Variants in OR1J2 observed in about 807,000 individuals in gnomAD.
OR1J2 encodes the protein olfactory receptor family 1 subfamily J member 2.
For missense variants in OR1J2, 304 were observed against 246.1 expected (o/e 1.24, Z -1.57); for synonymous variants, 142 against 99.7 (o/e 1.42, Z -2.52).
At chr9:122,477,518 T>A in the OR1J2 span, 1 of 1,613,940 alleles carries the variant, frequency 6.2e-7, no homozygotes, top group Non-Finnish European at 8.5e-7. Context: ...TGGCTCTGAG[T>A]CATGATGGTG....
chr9:122,540,738 C>G, the OR1J2 span, among the ~76,000 whole-genome samples: 2 of 152,132 alleles, frequency 1.3e-5, no homozygotes, highest in African/African-American at 2.4e-5. Flanking sequence ...TTGATTCTTC[C>G]TACCCATGAG....
chr9:122,550,483 A>T, the OR1J2 span, among the ~76,000 whole-genome samples: 1 of 152,182 alleles, frequency 6.6e-6, no homozygotes, highest in African/African-American at 2.4e-5. Context: ...GTGACAATAG[A>T]TGCAAAAATT....
the OR1J2 span, among the ~76,000 whole-genome samples, chr9:122,486,458 G>A: frequency 6.6e-6 from 1 of 152,184 alleles, no homozygotes; most frequent in Admixed American, 6.5e-5. Context: ...TTTGCTGCCT[G>A]AGAGCACTCA....
chr9:122,447,815 A>T, the OR1J2 span, among the ~76,000 whole-genome samples: 1 of 152,130 alleles, frequency 6.6e-6, no homozygotes. Context: ...TTAGAAGGAT[A>T]CATACAACAG....
the OR1J2 span, among the ~76,000 whole-genome samples, chr9:122,543,943 G>C: frequency 6.6e-6 from 1 of 152,186 alleles, no homozygotes; most frequent in Non-Finnish European, 1.5e-5. Context: ...CACAACCACA[G>C]GTAACTGGTA....
chr9:122,554,079 C>A, the OR1J2 span: 4 of 1,613,196 alleles, frequency 2.5e-6, no homozygotes, highest in Non-Finnish European at 3.4e-6. Flanking sequence ...CACGCTAAAC[C>A]CATTCATTTA....
At chr9:122,548,413 C>G in the OR1J2 span, among the ~76,000 whole-genome samples, 4 of 152,108 alleles carry the variant, frequency 2.6e-5, no homozygotes, top group South Asian at 2.1e-4. Flanking sequence ...AAGGAAATGT[C>G]ATCTCTTGTT....
chr9:122,561,814 G>T, the OR1J2 span, among the ~76,000 whole-genome samples: 7 of 152,172 alleles, frequency 4.6e-5, no homozygotes, highest in African/African-American at 1.7e-4. Flanking sequence ...TCACCCAGTT[G>T]GTGGCACTGG....
At chr9:122,462,121 T>C in the OR1J2 span, among the ~76,000 whole-genome samples, 2 of 152,202 alleles carry the variant, frequency 1.3e-5, no homozygotes, top group African/African-American at 4.8e-5. Context: ...CATATATATG[T>C]GGAATTGTCA....
the OR1J2 span, among the ~76,000 whole-genome samples, chr9:122,455,951 T>C: frequency 1.3e-5 from 2 of 152,256 alleles, no homozygotes; most frequent in Admixed American, 6.5e-5. Context: ...GAAGAGACTA[T>C]TCTTTCTCCA....
the OR1J2 span, chr9:122,447,452 A>G: frequency 6.6e-6 from 1 of 151,982 alleles, no homozygotes; most frequent in African/African-American, 2.4e-5. Context: ...GCATGGAGTC[A>G]TCTGTCTTCT....
At chr9:122,454,354 T>TA in the OR1J2 span, among the ~76,000 whole-genome samples, 325 of 152,170 alleles carry the variant, frequency 2.1e-3, no homozygotes, top group African/African-American at 7.6e-3. Flanking sequence ...CTGTCTCTAC[T>TA]AAAAATACAA....
chr9:122,568,958 A>T, the OR1J2 span, among the ~76,000 whole-genome samples: 1 of 151,228 alleles, frequency 6.6e-6, no homozygotes, highest in Admixed American at 6.6e-5. Context: ...CTGGGGAGTC[A>T]GACTGGGGGT....
chr9:122,477,352 G>T, the OR1J2 span: 57 of 1,613,922 alleles, frequency 3.5e-5, 1 homozygote, highest in African/African-American at 7.3e-4. Context: ...ATTGAGGGAG[G>T]TGTCTGAGCA....
At chr9:122,515,201 C>T (rs990520964), downstream of OR1J2, among the ~76,000 whole-genome samples, 3 of 152,018 alleles carry the variant, frequency 2.0e-5, no homozygotes, top group Non-Finnish European at 4.4e-5. Flanking sequence ...CTTCTTTCTC[C>T]GATGTCAGTG....
chr9:122,464,877 G>T, the OR1J2 span, among the ~76,000 whole-genome samples: 5 of 152,174 alleles, frequency 3.3e-5, no homozygotes, highest in East Asian at 9.6e-4. Context: ...GTCTTTTTTG[G>T]AAAGTTATTT....
chr9:122,571,547 CAAAAA>C, the OR1J2 span, among the ~76,000 whole-genome samples: 376 of 126,856 alleles, frequency 3.0e-3, 2 homozygotes, highest in African/African-American at 9.1e-3. Flanking sequence ...CAGACTGTCT[CAAAAA>C]AAAAAAAAAA....
At chr9:122,452,261 C>T in the OR1J2 span, among the ~76,000 whole-genome samples, 1 of 152,106 alleles carries the variant, frequency 6.6e-6, no homozygotes, top group Admixed American at 6.5e-5. Flanking sequence ...AGAGTTTGAG[C>T]CGGTTAAGGA....
chr9:122,552,581 C>CACCAGACACCAGACACCAGACACCA, the OR1J2 span, among the ~76,000 whole-genome samples: 1 of 151,834 alleles, frequency 6.6e-6, no homozygotes, highest in Admixed American at 6.6e-5. Context: ...TGGGGGAGTA[C>CACCAGACACCAGACACCAGACACCA]GACACCAGAC....
Sources: gnomAD v4.1 joint callset for allele counts (sites outside exome capture counted in the v4.1 genomes callset) on GRCh38, gnomAD v4.1.1 for gene constraint, MANE v1.5 for transcripts, NCBI Gene and HGNC (gene_info 2026-07-23, HGNC 2026-07-21) for gene names.